ANKUB1: variants seen among roughly 807,000 people sequenced by gnomAD.
The protein encoded by ANKUB1 is ankyrin repeat and ubiquitin domain containing 1.
ANKUB1 carries 42 observed loss-of-function variants against 49.3 expected under a neutral mutation model. That is an observed-to-expected ratio of 0.85 (90% CI 0.67 to 1.10). ANKUB1 has a LOEUF of 1.10. Among genes scored for constraint, ANKUB1 ranks in the 50% least tolerant of loss-of-function variants. ANKUB1 has a pLI of 0.00. For missense variants in ANKUB1, 613 were observed against 642.0 expected, an observed-to-expected ratio of 0.95 and a Z score of 0.49; for synonymous variants, 222 against 231.0, an observed-to-expected ratio of 0.96 and a Z score of 0.35.
chr3:149,770,071 GA>G (rs1717260368), intron 4 of ANKUB1, among the ~76,000 whole-genome samples: 2 of 152,054 alleles, frequency 1.3e-5, no homozygotes, highest in African/African-American at 4.8e-5. Flanking sequence ...TCCACTTAAT[GA>G]CTAGGAAATA....
At chr3:149,763,864 C>T (rs1291180665) in intron 5 of ANKUB1, 19 of 455,750 alleles carry the variant, frequency 4.2e-5, no homozygotes, top group Admixed American at 4.0e-4. Context: ...ATAATGCCAT[C>T]TTGGAGTCAA....
chr3:149,772,610 C>T (rs534322227), intron 3 of ANKUB1, among the ~76,000 whole-genome samples: 223 of 152,312 alleles, frequency 1.5e-3, no homozygotes, highest in Non-Finnish European at 2.8e-3. Context: ...TCTTTTACTT[C>T]GTAGCTCTTA....
chr3:149,772,541 G>T (rs1717412706), intron 3 of ANKUB1, among the ~76,000 whole-genome samples: 2 of 152,108 alleles, frequency 1.3e-5, no homozygotes, highest in Admixed American at 1.3e-4. Flanking sequence ...TTTCTGACCA[G>T]CTATCTAAAT....
intron 3 of ANKUB1, among the ~76,000 whole-genome samples, chr3:149,777,245 G>A (rs1270474238): frequency 2.0e-5 from 3 of 152,106 alleles, no homozygotes; most frequent in South Asian, 2.1e-4. Flanking sequence ...AGGCCAAGGC[G>A]GGCAGATCAG....
intron 3 of ANKUB1, among the ~76,000 whole-genome samples, chr3:149,774,619 G>A (rs1717510820): frequency 6.6e-6 from 1 of 152,170 alleles, no homozygotes; most frequent in Non-Finnish European, 1.5e-5. Context: ...CTTAACATTG[G>A]TGGGGCACCT....
chr3:149,769,802 T>A (rs537638049), intron 4 of ANKUB1, among the ~76,000 whole-genome samples: 2 of 152,372 alleles, frequency 1.3e-5, no homozygotes, highest in South Asian at 4.1e-4. Flanking sequence ...TGAACCATCA[T>A]AAGTTGTGGA....
chr3:149,767,702 G>A lies in ANKUB1; in HGVS notation c.960C>T (p.Ile320=), dbSNP rs769696710. The A allele has an allele frequency of 7.1e-6, 11 of 1,551,516 alleles. No individual in the cohort carries two copies. In the East Asian group the frequency reaches 2.7e-4, roughly 38 times the overall value. Residue 320 remains isoleucine (I), a synonymous_variant, in exon 5 of 6, where the codon ATC becomes ATT. Coordinates refer to ENST00000446160, the MANE Select transcript of ANKUB1 (RefSeq NM_001144960.3). ...MRIYIKIKQW[I]LRAQSHSLHK... The stretch of plus-strand genomic sequence containing the variant: ...GAAGACTGTGACTCTGAGCTCTGAG[G>A]ATCCATTGTTTTATTTTAATATAAA...
chr3:149,790,199 C>T (rs953378869), intron 2 of ANKUB1, among the ~76,000 whole-genome samples: 2 of 152,048 alleles, frequency 1.3e-5, no homozygotes, highest in Non-Finnish European at 2.9e-5. Context: ...TCTCCAGGCA[C>T]ATTAATTTTG....
chr3:149,782,443 C>T (rs760006540), intron 2 of ANKUB1, among the ~76,000 whole-genome samples: 27 of 152,032 alleles, frequency 1.8e-4, no homozygotes, highest in Admixed American at 5.9e-4. Context: ...AAAGAAGCTT[C>T]TCAGAATATG....
chr3:149,767,784 A>C lies in ANKUB1; in HGVS notation c.878T>G (p.Leu293Trp), dbSNP rs775492916. ...AACTGTGGACCACATTTTACTGAGC[A>C]AATATAATACACAGTCTTTATGCTT... ...KHKHKDCVLYLLSKMWSTVSF... is the reference protein window; with the variant it reads ...KHKHKDCVLYWLSKMWSTVSF... The change falls in exon 5 of 6, where the codon TTG becomes TGG. Residue 293 changes from leucine (L) to tryptophan (W), a missense_variant. Physicochemically the swap from Leu to Trp is moderately conservative, Grantham distance 61. Transcript: ENST00000446160. The C allele has an allele frequency of 1.5e-5, 23 of 1,551,630 alleles. No homozygotes were observed. The highest frequency in any genetic ancestry group is 2.6e-6 in the Non-Finnish European group (3 of 1,147,006).
rs139064722 is a variant in ANKUB1, at chr3:149,792,192, G to A, written c.90+85C>T. 3.5e-3 allele frequency: 3,099 copies of A among 878,274 alleles called. 9 individuals are homozygous for A. The highest frequency in any genetic ancestry group is 4.4e-3 in the Non-Finnish European group (2,800 of 633,306). The allele number at this position is 878,274 out of a possible 1,614,324, so 54.4% of individuals were successfully genotyped here. A position where few individuals can be genotyped will look rare whatever the true frequency, so the allele number is the denominator to read the frequency against. ...CTGTTTGCTGAAAATGTACCCAATA[G>A]CATCTCTACCCTTTGTACATTTTTA... On this transcript the variant is annotated intron_variant, in intron 1 of 5. Transcript: ENST00000446160.
chr3:149,766,164 A>G (rs1279033627), intron 5 of ANKUB1, among the ~76,000 whole-genome samples: 2 of 152,308 alleles, frequency 1.3e-5, no homozygotes, highest in Non-Finnish European at 1.5e-5. Flanking sequence ...TACCTTAAAC[A>G]TCTAATTCCG....
At chr3:149,763,310 G>A (rs1235024253) in intron 5 of ANKUB1, among the ~76,000 whole-genome samples, 1 of 152,146 alleles carries the variant, frequency 6.6e-6, no homozygotes, top group Non-Finnish European at 1.5e-5. Context: ...CCTAGGCTCA[G>A]AGCCTATCCT....
chr3:149,778,569 T>C (rs1302733040), intron 3 of ANKUB1: 2 of 152,222 alleles, frequency 1.3e-5, no homozygotes. Flanking sequence ...TATCAGTTAG[T>C]TGGGGACAAA....
intron 2 of ANKUB1, among the ~76,000 whole-genome samples, chr3:149,781,293 T>C (rs77483350): frequency 0.047 from 7,104 of 152,276 alleles, 227 homozygotes; most frequent in African/African-American, 0.084. Context: ...AACAACAGTT[T>C]AAACAAGCCA....
At chr3:149,763,590 C>T (rs568836051) in intron 5 of ANKUB1, among the ~76,000 whole-genome samples, 1 of 152,334 alleles carries the variant, frequency 6.6e-6, no homozygotes, top group Non-Finnish European at 1.5e-5. Flanking sequence ...AACTCTCAGC[C>T]TTCTGGATCA....
rs915455847 is a variant in ANKUB1 at position 149,761,179 on chromosome 3, AG to A, written c.*304del. 18 of 189,594 alleles carry A rather than the reference AG, an allele frequency of 9.5e-5. No individual in the cohort carries two copies. The highest frequency in any genetic ancestry group is 4.2e-4 in the African/African-American group (18 of 42,802). 11.7% of individuals were successfully genotyped at this position (189,594 alleles called of 1,614,324 possible). On this transcript the variant is annotated 3_prime_UTR_variant, in exon 6 of 6. Transcript: ENST00000446160. ...AGGAAAAAAAAAGAAAAACAAACAA[AG>A]GAACTGTAAAAATTCCCACTTCCTT...
chr3:149,790,777 A>G lies in ANKUB1; in HGVS notation c.234+4T>C, dbSNP rs112897426. The G allele has an allele frequency of 9.0e-5, 139 of 1,548,826 alleles. 1 individual carries two copies. The African/African-American group carries it at 1.7e-3, about 19-fold the overall frequency. On this transcript the variant is annotated splice_donor_region_variant and intron_variant, in intron 2 of 5. Coordinates refer to ENST00000446160, the MANE Select transcript of ANKUB1 (RefSeq NM_001144960.3). ...TTAGACGAATATTATCCTGACCATCATACCTTAACAAAGCATTTGAGAGTT... is the reference window on the plus strand; with the variant it reads ...TTAGACGAATATTATCCTGACCATCGTACCTTAACAAAGCATTTGAGAGTT...
rs915403583 is a variant in ANKUB1, at chr3:149,761,489, GCA to G, written c.1628_1629del (p.Val543AlafsTer22). 1.9e-6 allele frequency: 3 copies of G among 1,551,242 alleles called. No homozygotes were observed. The highest frequency in any genetic ancestry group is 1.7e-4 in the Middle Eastern group (1 of 5,990). ...LTACENSLETVL is the reference protein window; with the variant it reads ...LTACENSLETXL ...ACTGAAGTTGTCATGACTTTTCAAA[GCA>G]CAGTTTCTAGAGAGTTTTCACACGC... On this transcript the variant is annotated frameshift_variant, in exon 6 of 6. Transcript: ENST00000446160. LOFTEE classifies it high-confidence loss of function.
Sources: allele counts gnomAD v4.1 joint callset (sites outside exome capture counted in the v4.1 genomes callset), GRCh38; gene constraint gnomAD v4.1.1; transcripts MANE v1.5; gene names NCBI Gene and HGNC (gene_info 2026-07-23, HGNC 2026-07-21).